The following CADM2 variants were observed in gnomAD, a reference collection of about 807,000 sequenced individuals.
CADM2 encodes cell adhesion molecule 2, also known as immunoglobulin superfamily member 4D.
In CADM2, 12 loss-of-function variants were observed where a neutral mutation model predicts 49.8. The ratio of observed to expected loss-of-function variants is 0.24; its 90% confidence interval spans 0.15 to 0.39. The LOEUF is 0.39. Ranked by LOEUF, CADM2 falls within the 10% of genes least tolerant of loss-of-function variation. The pLI, the probability that CADM2 is intolerant of heterozygous loss-of-function variation, is 1.00. For missense variants in CADM2, 378 were observed against 492.3 expected (o/e 0.77, Z 2.20); for synonymous variants, 214 against 175.4 (o/e 1.22, Z -1.74).
chr3:84,996,852 TC>T (rs1298419973), intron 1 of CADM2, among the ~76,000 whole-genome samples: 2 of 152,126 alleles, frequency 1.3e-5, no homozygotes, highest in African/African-American at 4.8e-5. Flanking sequence ...GTTCAGGGAT[TC>T]CTTACAAATA....
intron 3 of CADM2, among the ~76,000 whole-genome samples, chr3:85,832,935 G>A (rs149732985): frequency 1.3e-5 from 2 of 152,026 alleles, no homozygotes; most frequent in African/African-American, 2.4e-5. Flanking sequence ...AATGTTGGCT[G>A]TGAATTTGTC....
At chr3:85,283,831 G>C (rs1044539453) in intron 1 of CADM2, among the ~76,000 whole-genome samples, 4 of 152,100 alleles carry the variant, frequency 2.6e-5, no homozygotes, top group Non-Finnish European at 4.4e-5. Context: ...GGAATACCAA[G>C]TATAATTTGG....
At chr3:85,782,852 G>A (rs1006081457) in intron 2 of CADM2, among the ~76,000 whole-genome samples, 2 of 152,096 alleles carry the variant, frequency 1.3e-5, no homozygotes, top group East Asian at 1.9e-4. Flanking sequence ...CTGTGTCAAC[G>A]TAATCGAGGG....
chr3:85,605,025 G>A (rs1293668744), intron 1 of CADM2, among the ~76,000 whole-genome samples: 4 of 152,016 alleles, frequency 2.6e-5, no homozygotes, highest in Admixed American at 2.6e-4. Flanking sequence ...TCCAGTTGAA[G>A]ACACAGCCTA....
intron 1 of CADM2, among the ~76,000 whole-genome samples, chr3:85,561,828 C>A (rs79519089): frequency 0.082 from 12,432 of 152,114 alleles, 983 homozygotes; most frequent in African/African-American, 0.19. Context: ...TAATTTAAGA[C>A]TTTATTCAAA....
chr3:85,646,420 G>A (rs1233030547), intron 1 of CADM2, among the ~76,000 whole-genome samples: 1 of 151,906 alleles, frequency 6.6e-6, no homozygotes, highest in Non-Finnish European at 1.5e-5. Flanking sequence ...CTGACTTCAA[G>A]TTTCTGACAG....
intron 2 of CADM2, among the ~76,000 whole-genome samples, chr3:85,786,041 C>T (rs376459585): frequency 1.2e-4 from 18 of 151,930 alleles, no homozygotes; most frequent in African/African-American, 4.1e-4. Flanking sequence ...CGTTATTAGC[C>T]CTTTCCTCCC....
intron 1 of CADM2, among the ~76,000 whole-genome samples, chr3:85,428,690 T>TA (rs1281246893): frequency 6.8e-6 from 1 of 147,278 alleles, no homozygotes; most frequent in East Asian, 1.9e-4. Context: ...CATATATATA[T>TA]ATATCAGCCT....
At chr3:85,643,755 T>G (rs1244201190) in intron 1 of CADM2, among the ~76,000 whole-genome samples, 1 of 152,160 alleles carries the variant, frequency 6.6e-6, no homozygotes, top group Non-Finnish European at 1.5e-5. Flanking sequence ...TTTCTGTCAT[T>G]TGTCAAATAT....
intron 1 of CADM2, among the ~76,000 whole-genome samples, chr3:85,435,463 G>A (rs989661344): frequency 3.9e-5 from 6 of 152,102 alleles, no homozygotes; most frequent in African/African-American, 1.2e-4. Context: ...TGTGAATAGT[G>A]CTGCAATAAA....
At chr3:85,321,091 CATATATATATAT>C (rs1227890094) in intron 1 of CADM2, among the ~76,000 whole-genome samples, 15 of 64,760 alleles carry the variant, frequency 2.3e-4, no homozygotes, top group Middle Eastern at 0.022. Flanking sequence ...TAGATATATA[CATATATATATAT>C]ATATATATAT....
chr3:85,269,581 G>T (rs1167948899), intron 1 of CADM2, among the ~76,000 whole-genome samples: 2 of 151,282 alleles, frequency 1.3e-5, no homozygotes, highest in East Asian at 1.9e-4. Flanking sequence ...TTTATAAACA[G>T]ATATTTGTTT....
At chr3:85,921,272 A>C (rs1719067824) in intron 6 of CADM2, among the ~76,000 whole-genome samples, 1 of 151,982 alleles carries the variant, frequency 6.6e-6, no homozygotes, top group Non-Finnish European at 1.5e-5. Flanking sequence ...CAATATTTTG[A>C]AATTTTTGTA....
intron 1 of CADM2, among the ~76,000 whole-genome samples, chr3:84,969,973 C>T (rs909887400): frequency 4.0e-5 from 6 of 150,804 alleles, no homozygotes; most frequent in South Asian, 2.1e-4. Context: ...CTGGCATTTC[C>T]GGATAAATGT....
intron 1 of CADM2, among the ~76,000 whole-genome samples, chr3:85,130,623 A>G (rs1575939549): frequency 6.6e-6 from 1 of 152,338 alleles, no homozygotes; most frequent in East Asian, 1.9e-4. Context: ...AATTGGTCAT[A>G]GGGAGTAGGT....
chr3:85,061,057 A>G (rs2036290648), intron 1 of CADM2, among the ~76,000 whole-genome samples: 1 of 152,156 alleles, frequency 6.6e-6, no homozygotes, highest in Admixed American at 6.6e-5. Flanking sequence ...ACTCCCTATC[A>G]GAAATAAAAG....
chr3:85,621,589 T>G (rs2063979763), intron 1 of CADM2, among the ~76,000 whole-genome samples: 1 of 152,170 alleles, frequency 6.6e-6, no homozygotes. Context: ...CTCTGCTCTG[T>G]TTTTTAACAG....
intron 8 of CADM2, among the ~76,000 whole-genome samples, chr3:86,017,139 T>C (rs1240202837): frequency 7.0e-6 from 1 of 142,854 alleles, no homozygotes; most frequent in South Asian, 2.2e-4. Flanking sequence ...GGAAAAAAAA[T>C]GTGTGTATAT....
chr3:86,041,086 A>G (rs1208001585), intron 8 of CADM2, among the ~76,000 whole-genome samples: 1 of 152,208 alleles, frequency 6.6e-6, no homozygotes, highest in Non-Finnish European at 1.5e-5. Flanking sequence ...AGGAAACACT[A>G]AACGTGGAAA....
Sources: gnomAD v4.1 joint callset for allele counts (sites outside exome capture counted in the v4.1 genomes callset) on GRCh38, gnomAD v4.1.1 for gene constraint, MANE v1.5 for transcripts, NCBI Gene and HGNC (gene_info 2026-07-23, HGNC 2026-07-21) for gene names.